Variants in SAMD12 observed in about 807,000 individuals in gnomAD.
The protein encoded by SAMD12 is sterile alpha motif domain-containing protein 12.
Under a neutral mutation model 15.0 loss-of-function variants are expected in SAMD12, and 9 were observed. That is an observed-to-expected ratio of 0.60 (90% confidence interval 0.36 to 1.05). SAMD12 has a LOEUF of 1.05. Ranked by LOEUF, SAMD12 falls within the 50% of genes least tolerant of loss-of-function variation. The pLI, the probability that SAMD12 is intolerant of heterozygous loss-of-function variation, is 0.01. For missense variants in SAMD12, 230 were observed against 234.2 expected (o/e 0.98, Z 0.12); for synonymous variants, 86 against 90.1 (o/e 0.96, Z 0.25).
In SAMD12 at chr8:118,379,149, C is replaced by G; in HGVS notation, c.*268G>C. The stretch of plus-strand genomic sequence containing the variant: ...TCGTAACTATTGAATCACTCAAATG[C>G]TAAAGCGCCCTCACAATTGGCGCAG... On this transcript the variant is annotated 3_prime_UTR_variant, in exon 4 of 4. Coordinates refer to ENST00000314727, the MANE Select transcript of SAMD12 (RefSeq NM_207506.3). The G allele has an allele frequency of 8.3e-7, 1 of 1,200,652 alleles. No individual in the cohort carries two copies. Among genetic ancestry groups the G allele is most frequent in the Admixed American group, 3.9e-5 (1 of 25,548 alleles). 74.4% of individuals were successfully genotyped at this position (1,200,652 alleles called of 1,614,324 possible).
At chr8:118,216,904 G>A (rs1330711816) in intron 4 of SAMD12, among the ~76,000 whole-genome samples, 3 of 152,172 alleles carry the variant, frequency 2.0e-5, no homozygotes, top group African/African-American at 7.2e-5. Context: ...GACTTTGTGT[G>A]CATAACATGT....
At chr8:118,175,068 C>T in the SAMD12 span, among the ~76,000 whole-genome samples, 6 of 151,166 alleles carry the variant, frequency 4.0e-5, no homozygotes, top group East Asian at 7.8e-4. Flanking sequence ...AAACAAAAAC[C>T]GGGAGGCATC....
intron 4 of SAMD12, among the ~76,000 whole-genome samples, chr8:118,298,835 A>C (rs1814865756): frequency 6.6e-6 from 1 of 152,242 alleles, no homozygotes; most frequent in Non-Finnish European, 1.5e-5. Flanking sequence ...ATAAATTGAT[A>C]TGTAATAGAA....
At position 118,463,057 on chromosome 8, in the gene SAMD12, C is replaced by T. The variant is rs1157103040; in HGVS notation, c.193-23096G>A. On this transcript the variant is annotated intron_variant, in intron 2 of 3. Coordinates refer to ENST00000314727, the MANE Select transcript of SAMD12 (RefSeq NM_207506.3). ...CGGAGCTTGCAGTGAGTCGAGATCG[C>T]GCCACTGCACTCCAGCCTGGGCGAC... is the stretch of plus-strand genomic sequence containing the variant. 2.2e-5 allele frequency among the ~76,000 whole-genome samples: 3 copies of T among 139,336 alleles called. No individual in the cohort carries two copies. In the East Asian group the frequency reaches 6.4e-4, roughly 30 times the overall value. The allele number at this position is 139,336 out of a possible 152,430, so 91.4% of individuals were successfully genotyped here. A position where few individuals can be genotyped will look rare whatever the true frequency, so the allele number is the denominator to read the frequency against.
At chr8:118,460,217 G>A (rs1308738380) in intron 2 of SAMD12, among the ~76,000 whole-genome samples, 1 of 151,962 alleles carries the variant, frequency 6.6e-6, no homozygotes, top group African/African-American at 2.4e-5. Context: ...CCACATAATT[G>A]TCATGTCCTA....
chr8:118,560,192 T>A (rs1826664680), intron 2 of SAMD12, among the ~76,000 whole-genome samples: 1 of 152,220 alleles, frequency 6.6e-6, no homozygotes, highest in Non-Finnish European at 1.5e-5. Flanking sequence ...AGATAATTGT[T>A]TCTTTAAATT....
At chr8:118,435,492 T>A (rs1822554145) in intron 3 of SAMD12, among the ~76,000 whole-genome samples, 1 of 152,176 alleles carries the variant, frequency 6.6e-6, no homozygotes, top group Non-Finnish European at 1.5e-5. Flanking sequence ...CAGCTTCTCT[T>A]CTGATTAAAC....
At chr8:118,552,660 A>C (rs184693379) in intron 2 of SAMD12, among the ~76,000 whole-genome samples, 4 of 152,308 alleles carry the variant, frequency 2.6e-5, no homozygotes, top group African/African-American at 9.6e-5. Flanking sequence ...TATTCAATGT[A>C]GTGTTGGAAG....
At chr8:118,564,696 G>C (rs999732830) in intron 2 of SAMD12, among the ~76,000 whole-genome samples, 3 of 152,182 alleles carry the variant, frequency 2.0e-5, no homozygotes, top group African/African-American at 7.2e-5. Context: ...GCATTGCAGT[G>C]TTTCCAGATG....
At chr8:118,514,183 C>CAT (rs1482047275) in intron 2 of SAMD12, among the ~76,000 whole-genome samples, 1 of 152,126 alleles carries the variant, frequency 6.6e-6, no homozygotes, top group East Asian at 1.9e-4. Context: ...TTTAAGTTTC[C>CAT]ATACAACTCT....
intron 4 of SAMD12, among the ~76,000 whole-genome samples, chr8:118,254,221 T>A (rs1812880128): frequency 6.6e-6 from 1 of 152,122 alleles, no homozygotes; most frequent in Admixed American, 6.6e-5. Flanking sequence ...GAAAAATCAT[T>A]CTAGAGTCAA....
At chr8:118,218,045 A>T (rs1399750596) in intron 4 of SAMD12, among the ~76,000 whole-genome samples, 1 of 152,164 alleles carries the variant, frequency 6.6e-6, no homozygotes, top group Non-Finnish European at 1.5e-5. Flanking sequence ...GCTCACACCA[A>T]GTATAGCTCA....
chr8:118,356,532 T>C (rs144325931), intron 4 of SAMD12, among the ~76,000 whole-genome samples: 6 of 152,304 alleles, frequency 3.9e-5, no homozygotes, highest in Non-Finnish European at 7.3e-5. Flanking sequence ...GAGCCTGCAC[T>C]TTCAGCTCTC....
the SAMD12 span, among the ~76,000 whole-genome samples, chr8:118,137,441 A>G: frequency 6.6e-6 from 1 of 152,204 alleles, no homozygotes. Context: ...TTACTTAGGC[A>G]TGGAAAGTTG....
At chr8:118,362,376 C>A (rs1294598451) in intron 4 of SAMD12, among the ~76,000 whole-genome samples, 1 of 152,130 alleles carries the variant, frequency 6.6e-6, no homozygotes, top group Non-Finnish European at 1.5e-5. Context: ...ATTATTTCAT[C>A]TCTTCCTCGT....
intron 3 of SAMD12, chr8:118,400,509 G>A (rs569572311): frequency 6.6e-5 from 10 of 152,292 alleles, no homozygotes; most frequent in African/African-American, 2.2e-4. Context: ...TGTAAGTTTT[G>A]TATAATGAGT....
At position 118,515,268 on chromosome 8, in the gene SAMD12, C is replaced by G. The variant is rs188987944; in HGVS notation, c.192+65447G>C. 2.1e-4 allele frequency among the ~76,000 whole-genome samples: 30 copies of G among 143,942 alleles called. No individual in the cohort carries two copies. The Admixed American group carries it at 2.1e-3, about 10-fold the overall frequency. The allele number at this position is 143,942 out of a possible 152,430, so 94.4% of individuals were successfully genotyped here. A position where few individuals can be genotyped will look rare whatever the true frequency, so the allele number is the denominator to read the frequency against. ...CAGGATGGTCTCGATCTCCTGATCTCGTGATCCGCCCGCCTCAGCCTCCCA... is the reference window on the plus strand; with the variant it reads ...CAGGATGGTCTCGATCTCCTGATCTGGTGATCCGCCCGCCTCAGCCTCCCA... On this transcript the variant is annotated intron_variant, in intron 2 of 3. Coordinates refer to ENST00000314727, the MANE Select transcript of SAMD12 (RefSeq NM_207506.3).
intron 2 of SAMD12, among the ~76,000 whole-genome samples, chr8:118,524,869 C>G (rs986064667): frequency 6.6e-6 from 1 of 152,214 alleles, no homozygotes; most frequent in Non-Finnish European, 1.5e-5. Context: ...CACCACTCTC[C>G]TGTGGATAAT....
the SAMD12 span, among the ~76,000 whole-genome samples, chr8:118,132,777 C>T: frequency 6.6e-6 from 1 of 151,760 alleles, no homozygotes; most frequent in Non-Finnish European, 1.5e-5. Flanking sequence ...AACATTGGAG[C>T]TGAGTGCAGT....
Sources: allele counts gnomAD v4.1 joint callset (sites outside exome capture counted in the v4.1 genomes callset), GRCh38; gene constraint gnomAD v4.1.1; transcripts MANE v1.5; gene names NCBI Gene and HGNC (gene_info 2026-07-23, HGNC 2026-07-21).